THSD4: variants seen among roughly 807,000 people sequenced by gnomAD.
THSD4 encodes thrombospondin type 1 domain containing 4.
Under a neutral mutation model 119.0 loss-of-function variants are expected in THSD4, and 69 were observed. That is an observed-to-expected ratio of 0.58 (90% CI 0.48 to 0.71). The LOEUF is 0.71. Ranked by LOEUF, THSD4 falls within the 30% of genes least tolerant of loss-of-function variation. The pLI is 0.00. For missense variants in THSD4, 1,393 were observed against 1,391.1 expected, an observed-to-expected ratio of 1.00 and a Z score of -0.02; for synonymous variants, 524 against 540.4, an observed-to-expected ratio of 0.97 and a Z score of 0.42.
At chr15:71,669,872 G>T (rs77440020) in intron 8 of THSD4, among the ~76,000 whole-genome samples, 4,789 of 152,260 alleles carry the variant, frequency 0.031, 109 homozygotes, top group Non-Finnish European at 0.046. Flanking sequence ...AGGCATATGA[G>T]GATTCAGTAG....
At chr15:71,752,534 G>A (rs559202184) in intron 14 of THSD4, among the ~76,000 whole-genome samples, 8 of 152,320 alleles carry the variant, frequency 5.3e-5, no homozygotes, top group Admixed American at 4.6e-4. Context: ...AATTCTAAAT[G>A]TTCATGCTTA....
chr15:71,746,816 C>T (rs535776295), intron 12 of THSD4, 22 bp from the exon 13 acceptor site: 10 of 1,611,652 alleles, frequency 6.2e-6, no homozygotes, highest in East Asian at 4.5e-5. Flanking sequence ...CTCTCACTCT[C>T]GCTCTCTCAT....
intron 15 of THSD4, among the ~76,000 whole-genome samples, chr15:71,764,422 G>C (rs1026440006): frequency 6.6e-6 from 1 of 152,222 alleles, no homozygotes; most frequent in Non-Finnish European, 1.5e-5. Context: ...ACTACCCCAT[G>C]GTGCAGATTT....
At chr15:71,685,135 ATG>A (rs1394967359) in intron 8 of THSD4, among the ~76,000 whole-genome samples, 1 of 151,604 alleles carries the variant, frequency 6.6e-6, no homozygotes, top group African/African-American at 2.4e-5. Flanking sequence ...TCAGGTTCTT[ATG>A]TGTGTTTTTC....
chr15:71,639,133 G>A (rs2050806339), intron 7 of THSD4, among the ~76,000 whole-genome samples: 1 of 152,168 alleles, frequency 6.6e-6, no homozygotes, highest in Non-Finnish European at 1.5e-5. Flanking sequence ...CAGAAGGTTG[G>A]AGAATTGTAA....
At chr15:71,586,148 C>T (rs2049665396) in intron 7 of THSD4, among the ~76,000 whole-genome samples, 1 of 152,114 alleles carries the variant, frequency 6.6e-6, no homozygotes, top group African/African-American at 2.4e-5. Flanking sequence ...CTTCATAATT[C>T]ATGTAGCCTT....
rs1005784604 is a variant in THSD4, at chr15:71,460,313, T to G, written c.1152+48490T>G. 1.6e-3 allele frequency among the ~76,000 whole-genome samples: 234 copies of G among 150,606 alleles called. 4 individuals carry two copies. The highest frequency in any genetic ancestry group is 5.0e-3 in the African/African-American group (204 of 41,130). Reference sequence around the variant, plus strand: ...GAAATACAAGTTGCCTGGTTTTTTTTTTTTTTTTTTTTTTGAAAGCATGCC... The same window carrying G: ...GAAATACAAGTTGCCTGGTTTTTTTGTTTTTTTTTTTTTTGAAAGCATGCC... On this transcript the variant is annotated intron_variant, in intron 7 of 17. Transcript: ENST00000261862.
At chr15:71,703,249 A>G (rs1375406825) in intron 8 of THSD4, among the ~76,000 whole-genome samples, 1 of 152,244 alleles carries the variant, frequency 6.6e-6, no homozygotes, top group African/African-American at 2.4e-5. Context: ...TGCTGGGGTT[A>G]TAGGCGTGAG....
chr15:71,326,700 A>AAAATATATATATATAT (rs1555464320), intron 6 of THSD4, among the ~76,000 whole-genome samples: 6 of 6,448 alleles, frequency 9.3e-4, no homozygotes, highest in African/African-American at 2.1e-3. Flanking sequence ...AAAAAAAAAA[A>AAAATATATATATATAT]ATATATATAT....
At chr15:71,256,830 G>A (rs2044323599) in intron 6 of THSD4, 115 bp downstream of exon 6, 1 of 916,982 alleles carries the variant, frequency 1.1e-6, no homozygotes, top group Non-Finnish European at 1.7e-6. Context: ...TGTCAATAGG[G>A]GAGAAAGTGT....
chr15:71,281,615 A>C (rs1409716651), intron 6 of THSD4, among the ~76,000 whole-genome samples: 1 of 152,202 alleles, frequency 6.6e-6, no homozygotes, highest in African/African-American at 2.4e-5. Flanking sequence ...ACCCTAGAGA[A>C]GTTCTTTAGT....
rs72759643 is a variant in THSD4, at chr15:71,244,616, T to C, written c.912+1520T>C. ...ACCAGTAAGTCTTCATTGAGCATCA[T>C]TGCTTGTCTTGTAACAGAGTAGGTG... is the stretch of plus-strand genomic sequence containing the variant. On this transcript the variant is annotated intron_variant, in intron 5 of 17. Transcript: ENST00000261862. Among the ~76,000 whole-genome samples, 625 of 152,326 alleles carry C rather than the reference T, an allele frequency of 4.1e-3. 1 individual carries two copies. The highest frequency in any genetic ancestry group is 5.4e-3 in the Non-Finnish European group (369 of 68,034).
chr15:71,705,553 G>T (rs376446467), intron 8 of THSD4, among the ~76,000 whole-genome samples: 16 of 152,214 alleles, frequency 1.1e-4, no homozygotes, highest in African/African-American at 3.4e-4. Context: ...GTGTTTTAGA[G>T]CCCCTTATAG....
chr15:71,312,781 G>T (rs923934206), intron 6 of THSD4, among the ~76,000 whole-genome samples: 1 of 151,990 alleles, frequency 6.6e-6, no homozygotes, highest in African/African-American at 2.4e-5. Context: ...CTTTGCACTT[G>T]CTCTTTGTGC....
At chr15:71,663,251 CAAAAAA>C (rs59067309) in intron 8 of THSD4, among the ~76,000 whole-genome samples, 1 of 146,344 alleles carries the variant, frequency 6.8e-6, no homozygotes, top group Admixed American at 6.8e-5. Context: ...GACACTATAT[CAAAAAA>C]AAAAGAAAAA....
chr15:71,234,235 C>T (rs1438009781), intron 4 of THSD4, among the ~76,000 whole-genome samples: 2 of 152,242 alleles, frequency 1.3e-5, no homozygotes, highest in Non-Finnish European at 2.9e-5. Context: ...CCCCTAAACA[C>T]ATCTGGGATT....
At chr15:71,568,253 A>G (rs775385455) in intron 7 of THSD4, among the ~76,000 whole-genome samples, 5 of 152,110 alleles carry the variant, frequency 3.3e-5, no homozygotes, top group Non-Finnish European at 7.3e-5. Context: ...CCATACATCA[A>G]CCTTGCATTG....
intron 7 of THSD4, among the ~76,000 whole-genome samples, chr15:71,646,605 T>C (rs1302280494): frequency 6.6e-6 from 1 of 152,244 alleles, no homozygotes; most frequent in Non-Finnish European, 1.5e-5. Context: ...TTGAGTTCCT[T>C]CCATGTGTCA....
chr15:71,691,063 C>G (rs182169651), intron 8 of THSD4, among the ~76,000 whole-genome samples: 1 of 152,006 alleles, frequency 6.6e-6, no homozygotes, highest in African/African-American at 2.4e-5. Flanking sequence ...AGGGGCAGGA[C>G]GAAGAGTTGA....
Sources: allele counts gnomAD v4.1 joint callset (sites outside exome capture counted in the v4.1 genomes callset), GRCh38; gene constraint gnomAD v4.1.1; transcripts MANE v1.5; gene names NCBI Gene and HGNC (gene_info 2026-07-23, HGNC 2026-07-21).